VWA1: variants seen among roughly 807,000 people sequenced by gnomAD.
VWA1 encodes the protein von Willebrand factor A domain-containing protein 1.
Under a neutral mutation model 14.9 loss-of-function variants are expected in VWA1, and 12 were observed. That is an observed-to-expected ratio of 0.80 (90% confidence interval 0.52 to 1.30). VWA1 has a LOEUF of 1.30. Among genes scored for constraint, VWA1 ranks in the 50% most tolerant of loss-of-function variants. The pLI is 0.00. For synonymous variants in VWA1, 368 were observed against 310.7 expected, an observed-to-expected ratio of 1.18 and a Z score of -1.94; for missense variants, 800 against 649.1, an observed-to-expected ratio of 1.23 and a Z score of -2.53.
chr1:1,438,952 C>T (rs1638599473), intron 2 of VWA1, 129 bp from the exon 3 acceptor site: 4 of 1,407,562 alleles, frequency 2.8e-6, no homozygotes. Context: ...CCAGCAGCTC[C>T]TTGGCCGCGG....
rs1234177976 is a variant in VWA1, at chr1:1,439,925, C to T, written c.*138C>T. The stretch of plus-strand genomic sequence containing the variant: ...CACGCGGACTCCGCGCGACCCCGGC[C>T]CTCTCCCTGCGGCCGCAGGGCTTCC... On this transcript the variant is annotated 3_prime_UTR_variant, in exon 3 of 3. Transcript: ENST00000476993. 2.0e-6 allele frequency: 2 copies of T among 981,074 alleles called. No individual in the cohort carries two copies. The highest frequency in any genetic ancestry group is 2.5e-6 in the Non-Finnish European group (2 of 815,470). The allele number at this position is 981,074 out of a possible 1,614,324, so 60.8% of individuals were successfully genotyped here.
At chr1:1,439,057 C>T (rs1276408455) in intron 2 of VWA1, 24 bp from the exon 3 acceptor site, 1 of 1,592,626 alleles carries the variant, frequency 6.3e-7, no homozygotes, top group Non-Finnish European at 8.5e-7. Flanking sequence ...ACCGCTGTTC[C>T]CTGACCCCCT....
chr1:1,437,789 G>A (rs1638577796), intron 2 of VWA1, among the ~76,000 whole-genome samples: 1 of 152,210 alleles, frequency 6.6e-6, no homozygotes, highest in Admixed American at 6.5e-5. Context: ...GTAGGCCCAG[G>A]AAGAAGCTTC....
Position 1,439,670 on chromosome 1 carries a change from C to G in VWA1, c.1221C>G (p.Phe407Leu). The G allele has an allele frequency of 7.6e-7, 1 of 1,308,204 alleles. No homozygotes were observed. Among genetic ancestry groups the G allele is most frequent in the South Asian group, 1.5e-5 (1 of 66,554 alleles). The allele number at this position is 1,308,204 out of a possible 1,614,324, so 81.0% of individuals were successfully genotyped here. Residue 407 changes from phenylalanine (F) to leucine (L), a missense_variant, in exon 3 of 3, where the codon TTC becomes TTG. By Grantham distance (22) the Phe-to-Leu change is conservative. Transcript: ENST00000476993. Reference sequence around the variant, plus strand: ...ACCTGGTGACCGTGACCGCCGCCTTCCGCTCGGGCCGCGAGAGCGCGCTGT... The same window carrying G: ...ACCTGGTGACCGTGACCGCCGCCTTGCGCTCGGGCCGCGAGAGCGCGCTGT... ...TAYLVTVTAA[F>L]RSGRESALSA...
Position 1,439,219 on chromosome 1 carries a change from G to C in VWA1, c.770G>C (p.Arg257Thr). 1 of 1,607,290 alleles carries C rather than the reference G, an allele frequency of 6.2e-7. No homozygotes were observed. The highest frequency in any genetic ancestry group is 8.5e-7 in the Non-Finnish European group (1 of 1,179,110). The stretch of plus-strand genomic sequence containing the variant: ...CCCAGCGCCCAGCCGGGGGCTGCAA[G>C]ACGCCAGCAGCTGCCAGGGAACGCC... ...LVPSAQPGAA[R>T]RQQLPGNATD... is the part of the protein sequence containing the mutation. Residue 257 changes from arginine to threonine, a missense_variant, in exon 3 of 3, where the codon AGA becomes ACA. By Grantham distance (71) the Arg-to-Thr change is moderately conservative. Coordinates refer to ENST00000476993, the MANE Select transcript of VWA1 (RefSeq NM_022834.5).
chr1:1,436,744 T>C, intron 1 of VWA1, 183 bp from the exon 2 acceptor site: 2 of 608,774 alleles, frequency 3.3e-6, no homozygotes, highest in Non-Finnish European at 5.7e-6. Flanking sequence ...CCATGGCCAG[T>C]GTGCAGTGAA....
At chr1:1,438,074 A>T (rs1638584771) in intron 2 of VWA1, among the ~76,000 whole-genome samples, 2 of 152,104 alleles carry the variant, frequency 1.3e-5, no homozygotes, top group African/African-American at 4.8e-5. Context: ...CCAAGCCCTG[A>T]AGGAGCTGGG....
Position 1,439,758 on chromosome 1 carries a change from AC to A in VWA1, c.1313del (p.Pro438ArgfsTer101). 9.2e-7 allele frequency: 1 copy of A among 1,084,844 alleles called. No individual in the cohort carries two copies. The highest frequency in any genetic ancestry group is 1.1e-6 in the Non-Finnish European group (1 of 895,362). 67.2% of individuals were successfully genotyped at this position (1,084,844 alleles called of 1,614,324 possible). ...PRPRPVPRAP[T>X]PGTASREP ...CCCACGCCCCGTGCCCCGCGCCCCG[AC>A]CCCGGGGACCGCCAGCCGTGAGCCG... On this transcript the variant is annotated frameshift_variant, in exon 3 of 3. Coordinates refer to ENST00000476993, the MANE Select transcript of VWA1 (RefSeq NM_022834.5). LOFTEE classifies it high-confidence loss of function.
chr1:1,436,164 A>T (rs1638535903), intron 1 of VWA1, among the ~76,000 whole-genome samples: 1 of 151,854 alleles, frequency 6.6e-6, no homozygotes, highest in African/African-American at 2.4e-5. Flanking sequence ...GATGGTAGGG[A>T]AGTTGGAGTC....
At chr1:1,437,951 A>C (rs1638579912) in intron 2 of VWA1, among the ~76,000 whole-genome samples, 1 of 152,182 alleles carries the variant, frequency 6.6e-6, no homozygotes, top group South Asian at 2.1e-4. Flanking sequence ...GCTTTGAACT[A>C]GTTCGGACTG....
rs1484522932 is a variant in VWA1, at chr1:1,439,367, AGGGCCGG to A, written c.923_929del (p.Pro308LeufsTer41). 6.5e-7 allele frequency: 1 copy of A among 1,526,830 alleles called. No homozygotes were observed. Among genetic ancestry groups the A allele is most frequent in the Non-Finnish European group, 8.7e-7 (1 of 1,143,320 alleles). 94.6% of individuals were successfully genotyped at this position (1,526,830 alleles called of 1,614,324 possible). A position where few individuals can be genotyped will look rare whatever the true frequency, so the allele number is the denominator to read the frequency against. On this transcript the variant is annotated frameshift_variant, in exon 3 of 3. Coordinates refer to ENST00000476993, the MANE Select transcript of VWA1 (RefSeq NM_022834.5). LOFTEE classifies it low-confidence loss of function (END_TRUNC). The stretch of plus-strand genomic sequence containing the variant: ...GGGTGCGCACGCGGCCCGGTGAGGC[AGGGCCGG>A]GGGCTTCGGGCCCGGAGTCGGGGGC...
Position 1,437,009 on chromosome 1 carries a change from G to A in VWA1, c.156G>A (p.Arg52=), listed in dbSNP as rs776715050. 8 of 1,612,502 alleles carry A rather than the reference G, an allele frequency of 5.0e-6. No individual in the cohort carries two copies. The South Asian group carries it at 6.6e-5, about 13-fold the overall frequency. Residue 52 remains arginine (R), a synonymous_variant, in exon 2 of 3, where the codon CGG becomes CGA. Coordinates refer to ENST00000476993, the MANE Select transcript of VWA1 (RefSeq NM_022834.5). ...SASVSHYEFS[R]VREFVGQLVA... is the part of the protein sequence containing the mutation. ...GCGTCTCTCACTACGAGTTCTCCCG[G>A]GTTCGGGAGTTTGTGGGGCAGCTGG...
Position 1,439,682 on chromosome 1 carries a change from C to G in VWA1, c.1233C>G (p.Arg411=), listed in dbSNP as rs570955388. 3,574 of 1,288,512 alleles carry G rather than the reference C, an allele frequency of 2.8e-3. 112 individuals carry two copies. The African/African-American group carries it at 0.052, about 19-fold the overall frequency. The allele number at this position is 1,288,512 out of a possible 1,614,324, so 79.8% of individuals were successfully genotyped here. The change falls in exon 3 of 3, where the codon CGC becomes CGG. Residue 411 remains arginine (R), a synonymous_variant. Transcript: ENST00000476993. ...TGACCGCCGCCTTCCGCTCGGGCCGCGAGAGCGCGCTGTCCGCCAAGGCCT... is the reference window on the plus strand; with the variant it reads ...TGACCGCCGCCTTCCGCTCGGGCCGGGAGAGCGCGCTGTCCGCCAAGGCCT... ...VTVTAAFRSG[R]ESALSAKACT...
intron 1 of VWA1, among the ~76,000 whole-genome samples, 192 bp downstream of exon 1, chr1:1,436,013 C>G (rs1475288573): frequency 6.6e-6 from 1 of 152,108 alleles, no homozygotes; most frequent in South Asian, 2.1e-4. Context: ...CAGGCGACAC[C>G]GTCCGTGAGC....
intron 2 of VWA1, among the ~76,000 whole-genome samples, 161 bp downstream of exon 2, chr1:1,437,645 A>C (rs766253847): frequency 6.6e-6 from 1 of 152,104 alleles, no homozygotes; most frequent in Non-Finnish European, 1.5e-5. Context: ...CAGCTTGTCT[A>C]TGCACACTCT....
At chr1:1,438,966 C>G (rs2100454661) in intron 2 of VWA1, 115 bp from the exon 3 acceptor site, 3 of 1,431,110 alleles carry the variant, frequency 2.1e-6, no homozygotes, top group Non-Finnish European at 1.8e-6. Context: ...GCCGCGGGGC[C>G]CCGTCTTTCC....
chr1:1,437,138 GGC>G lies in VWA1; in HGVS notation c.286_287del (p.Ala96CysfsTer14). 6.2e-7 allele frequency: 1 copy of G among 1,606,974 alleles called. No individual in the cohort carries two copies. The highest frequency in any genetic ancestry group is 8.5e-7 in the Non-Finnish European group (1 of 1,175,768). Reference sequence around the variant, plus strand: ...CCTTCGGCCAGCACAGCTCGGGTGAGGCTGCCCAGGATGCGGTGCGTGCTTCT... The same window carrying G: ...CCTTCGGCCAGCACAGCTCGGGTGAGTGCCCAGGATGCGGTGCGTGCTTCT... ...FPFGQHSSGE[A>X]AQDAVRASAQ... is the part of the protein sequence containing the mutation. On this transcript the variant is annotated frameshift_variant, in exon 2 of 3. Transcript: ENST00000476993. LOFTEE classifies it high-confidence loss of function.
chr1:1,437,212 C>T lies in VWA1; in HGVS notation c.359C>T (p.Ala120Val). 3 of 1,611,774 alleles carry T rather than the reference C, an allele frequency of 1.9e-6. No homozygotes were observed. Among genetic ancestry groups the T allele is most frequent in the South Asian group, 1.1e-5 (1 of 90,832 alleles). The change falls in exon 2 of 3, where the codon GCC becomes GTC. Residue 120 changes from alanine to valine, a missense_variant. Coordinates refer to ENST00000476993, the MANE Select transcript of VWA1 (RefSeq NM_022834.5). ...CACACTGGCCTGGCGCTGGTCTATGCCAAGGAACAGCTGTTTGCTGAAGCA... is the reference window on the plus strand; with the variant it reads ...CACACTGGCCTGGCGCTGGTCTATGTCAAGGAACAGCTGTTTGCTGAAGCA... ...DTHTGLALVY[A>V]KEQLFAEASG... is the part of the protein sequence containing the mutation.
chr1:1,439,275 G>A lies in VWA1; in HGVS notation c.826G>A (p.Asp276Asn), dbSNP rs758446919. Residue 276 changes from aspartate to asparagine, a missense_variant, in exon 3 of 3, where the codon GAC (aspartate) becomes AAC (asparagine). Coordinates refer to ENST00000476993, the MANE Select transcript of VWA1 (RefSeq NM_022834.5). The stretch of plus-strand genomic sequence containing the variant: ...CTGGATCTGGGCCGGCCTCGACCCG[G>A]ACACGGACTACGACGTGGCGCTAGT... ...TDWIWAGLDPDTDYDVALVPE... is the reference protein window; with the variant it reads ...TDWIWAGLDPNTDYDVALVPE... The A allele has an allele frequency of 6.9e-6, 11 of 1,605,450 alleles. No individual in the cohort carries two copies. In the East Asian group the frequency reaches 2.2e-4, roughly 33 times the overall value.
Sources: allele counts gnomAD v4.1 joint callset (sites outside exome capture counted in the v4.1 genomes callset), GRCh38; gene constraint gnomAD v4.1.1; transcripts MANE v1.5; gene names NCBI Gene and HGNC (gene_info 2026-07-23, HGNC 2026-07-21).